Variants in HAUS2 observed in about 807,000 individuals in gnomAD.
The protein encoded by HAUS2 is HAUS augmin like complex subunit 2.
In HAUS2, 20 loss-of-function variants were observed where a neutral mutation model predicts 21.6. That is an observed-to-expected ratio of 0.93 (90% confidence interval 0.65 to 1.35). The LOEUF (loss-of-function observed/expected upper bound fraction) is 1.35, where lower values mean the gene tolerates loss of function less well. HAUS2 is among the 40% of genes most tolerant of loss of function. The pLI, the probability that HAUS2 is intolerant of heterozygous loss-of-function variation, is 0.00. For synonymous variants in HAUS2, 113 were observed against 95.6 expected, an observed-to-expected ratio of 1.18 and a Z score of -1.06; for missense variants, 297 against 280.7, an observed-to-expected ratio of 1.06 and a Z score of -0.42.
At chr15:42,565,647 G>A (rs1399639647) in intron 5 of HAUS2, among the ~76,000 whole-genome samples, 1 of 152,074 alleles carries the variant, frequency 6.6e-6, no homozygotes, top group Non-Finnish European at 1.5e-5. Context: ...AGTTCCTCAG[G>A]TGATTCCTGT....
rs2057913585 is a variant in HAUS2, at chr15:42,567,004, C to T, written c.*188C>T. The T allele has an allele frequency of 9.1e-6, 4 of 437,832 alleles. No individual in the cohort carries two copies. The highest frequency in any genetic ancestry group is 6.0e-4 in the Middle Eastern group (1 of 1,668). The allele number at this position is 437,832 out of a possible 1,614,324, so 27.1% of individuals were successfully genotyped here. On this transcript the variant is annotated 3_prime_UTR_variant, in exon 6 of 6. Coordinates refer to ENST00000260372, the MANE Select transcript of HAUS2 (RefSeq NM_018097.3). The stretch of plus-strand genomic sequence containing the variant: ...CCTTTGTTTTTCATATATTTTTATT[C>T]TACCTTTCAGTAAAACTAGAGAAGC...
intron 1 of HAUS2, among the ~76,000 whole-genome samples, chr15:42,550,834 A>G (rs1345879842): frequency 6.6e-6 from 1 of 151,708 alleles, no homozygotes; most frequent in Non-Finnish European, 1.5e-5. Flanking sequence ...TCACCCGGCT[A>G]ATTTTTGTAT....
chr15:42,557,636 C>T (rs777012010), intron 1 of HAUS2, among the ~76,000 whole-genome samples: 6 of 150,766 alleles, frequency 4.0e-5, no homozygotes, highest in Non-Finnish European at 7.4e-5. Context: ...TGCATGGACT[C>T]ATGGAATGAA....
chr15:42,556,723 G>T (rs1457693101), intron 1 of HAUS2, among the ~76,000 whole-genome samples: 1 of 151,906 alleles, frequency 6.6e-6, no homozygotes, highest in Non-Finnish European at 1.5e-5. Context: ...AAGTTCTTTG[G>T]CCTGGACGCG....
chr15:42,567,562 G>A lies in HAUS2; in HGVS notation c.*746G>A, dbSNP rs1184258544. 2.6e-5 allele frequency: 4 copies of A among 152,316 alleles called. No homozygotes were observed. Among genetic ancestry groups the A allele is most frequent in the Admixed American group, 2.6e-4 (4 of 15,266 alleles). 9.4% of individuals were successfully genotyped at this position (152,316 alleles called of 1,614,324 possible). On this transcript the variant is annotated 3_prime_UTR_variant, in exon 6 of 6. Transcript: ENST00000260372. Reference sequence around the variant, plus strand: ...TACTAAAAATACAAAAATTAGGCCGGGCGCAGTGGCTCACACCTGTAATCC... The same window carrying A: ...TACTAAAAATACAAAAATTAGGCCGAGCGCAGTGGCTCACACCTGTAATCC...
chr15:42,565,736 C>A (rs2057899131), intron 5 of HAUS2, among the ~76,000 whole-genome samples: 1 of 152,080 alleles, frequency 6.6e-6, no homozygotes, highest in African/African-American at 2.4e-5. Flanking sequence ...AGACTAATTA[C>A]CGTCATTCAG....
Position 42,566,722 on chromosome 15 carries a change from T to C in HAUS2, c.614T>C (p.Leu205Ser), listed in dbSNP as rs1354913754. The change falls in exon 6 of 6, where the codon TTA becomes TCA. Residue 205 changes from leucine to serine, a missense_variant. Physicochemically the swap from Leu to Ser is moderately radical, Grantham distance 145 (BLOSUM62 -2). Transcript: ENST00000260372. ...GTTTCGTCTTGTATCCCCAAAATAT[T>C]AGCTGAAGAAAGTTATCTTTATAAA... ...NEVSSCIPKI[L>S]AEESYLYKHD... The C allele has an allele frequency of 1.3e-6, 2 of 1,558,670 alleles. No individual in the cohort carries two copies. Among genetic ancestry groups the C allele is most frequent in the Admixed American group, 1.7e-5 (1 of 59,934 alleles).
At chr15:42,564,367 A>C (rs2057884881) in intron 5 of HAUS2, among the ~76,000 whole-genome samples, 1 of 151,846 alleles carries the variant, frequency 6.6e-6, no homozygotes, top group African/African-American at 2.4e-5. Context: ...GCCATTTTAA[A>C]TTATTTTATT....
At chr15:42,551,039 AG>A (rs1252676669) in intron 1 of HAUS2, among the ~76,000 whole-genome samples, 2 of 139,122 alleles carry the variant, frequency 1.4e-5, no homozygotes, top group Non-Finnish European at 3.1e-5. Flanking sequence ...TCTGTTGCCC[AG>A]GCTGGAGTGC....
intron 1 of HAUS2, among the ~76,000 whole-genome samples, chr15:42,557,201 A>T (rs1297320170): frequency 6.9e-6 from 1 of 144,924 alleles, no homozygotes; most frequent in Non-Finnish European, 1.5e-5. Context: ...CTGTAGTCCC[A>T]GCTACTCGGG....
chr15:42,551,293 C>T (rs1387119679), intron 1 of HAUS2, among the ~76,000 whole-genome samples: 2 of 151,802 alleles, frequency 1.3e-5, no homozygotes, highest in African/African-American at 4.8e-5. Flanking sequence ...TATCAGGTTA[C>T]CTAGTACTCT....
At chr15:42,565,125 C>T (rs2057893383) in intron 5 of HAUS2, among the ~76,000 whole-genome samples, 1 of 152,120 alleles carries the variant, frequency 6.6e-6, no homozygotes, top group African/African-American at 2.4e-5. Context: ...GCCTGAGCCA[C>T]CGCACTTGCC....
chr15:42,560,929 A>T (rs571098899), intron 3 of HAUS2: 13 of 672,862 alleles, frequency 1.9e-5, no homozygotes, highest in African/African-American at 1.6e-4. Flanking sequence ...ATAGACTATT[A>T]GAGTCAGGGA....
Position 42,567,607 on chromosome 15 carries a change from C to G in HAUS2, c.*791C>G, listed in dbSNP as rs1410131691. ...TAATCCCAACACTTTGGGAGGCCGA[C>G]CCAGATGGGTGGATCACCTGAGGTC... On this transcript the variant is annotated 3_prime_UTR_variant, in exon 6 of 6. Transcript: ENST00000260372. 8 of 152,152 alleles carry G rather than the reference C, an allele frequency of 5.3e-5. No individual in the cohort carries two copies. Among genetic ancestry groups the G allele is most frequent in the Admixed American group, 5.2e-4 (8 of 15,248 alleles). The allele number at this position is 152,152 out of a possible 1,614,324, so 9.4% of individuals were successfully genotyped here.
At chr15:42,549,765 C>G (rs1026763482) in intron 1 of HAUS2, among the ~76,000 whole-genome samples, 2 of 58,086 alleles carry the variant, frequency 3.4e-5, no homozygotes, top group Non-Finnish European at 6.8e-5. Flanking sequence ...TCTTTAAAGG[C>G]AAAAAAAAAA....
intron 1 of HAUS2, among the ~76,000 whole-genome samples, chr15:42,549,666 GTC>G: frequency 6.7e-6 from 1 of 148,954 alleles, no homozygotes; most frequent in East Asian, 2.0e-4. Flanking sequence ...AGCCAGGATG[GTC>G]CCGATCTCCT....
intron 1 of HAUS2, among the ~76,000 whole-genome samples, chr15:42,557,630 T>C (rs1442562933): frequency 6.6e-6 from 1 of 151,078 alleles, no homozygotes; most frequent in Non-Finnish European, 1.5e-5. Context: ...ATAATGTGCA[T>C]GGACTCATGG....
chr15:42,553,980 A>G (rs1295790655), intron 1 of HAUS2, among the ~76,000 whole-genome samples: 1 of 152,228 alleles, frequency 6.6e-6, no homozygotes, highest in Non-Finnish European at 1.5e-5. Context: ...CAATTTTGCC[A>G]TCAGTAAAAT....
At position 42,552,858 on chromosome 15, in the gene HAUS2, A is replaced by C. The variant is rs188657279; in HGVS notation, c.93+3893A>C. ...AGCCTCTGCTCTTAAATTCTCTGCT[A>C]TACTACCTCCCTTTTAATGTCCCTC... On this transcript the variant is annotated intron_variant, in intron 1 of 5. Coordinates refer to ENST00000260372, the MANE Select transcript of HAUS2 (RefSeq NM_018097.3). 1.5e-4 allele frequency among the ~76,000 whole-genome samples: 23 copies of C among 152,294 alleles called. No homozygotes were observed. The East Asian group carries it at 4.0e-3, about 27-fold the overall frequency.
Sources: allele counts gnomAD v4.1 joint callset (sites outside exome capture counted in the v4.1 genomes callset), GRCh38; gene constraint gnomAD v4.1.1; transcripts MANE v1.5; gene names NCBI Gene and HGNC (gene_info 2026-07-23, HGNC 2026-07-21).